Variants in NFATC2 observed in about 807,000 individuals in gnomAD.
The protein encoded by NFATC2 is nuclear factor of activated T-cells, cytoplasmic 2.
In NFATC2, 22 loss-of-function variants were observed where a neutral mutation model predicts 87.3. The ratio of observed to expected loss-of-function variants is 0.25; its 90% CI spans 0.18 to 0.36. NFATC2 has a LOEUF of 0.36. Ranked by LOEUF, NFATC2 falls within the 10% of genes least tolerant of loss-of-function variation. NFATC2 has a pLI of 1.00. For synonymous variants in NFATC2, 565 were observed against 542.2 expected (o/e 1.04, Z -0.58); for missense variants, 1,149 against 1,259.1 (o/e 0.91, Z 1.32).
At chr20:51,481,003 G>C (rs1989207532) in intron 3 of NFATC2, among the ~76,000 whole-genome samples, 1 of 152,118 alleles carries the variant, frequency 6.6e-6, no homozygotes, top group African/African-American at 2.4e-5. Flanking sequence ...TTGCCGGCTT[G>C]GAGTGTCAGA....
chr20:51,426,648 G>T (rs1981875410), intron 9 of NFATC2, among the ~76,000 whole-genome samples: 1 of 152,178 alleles, frequency 6.6e-6, no homozygotes, highest in Non-Finnish European at 1.5e-5. Flanking sequence ...CTTGCCTGAG[G>T]TCAGAGTCAG....
intron 1 of NFATC2, among the ~76,000 whole-genome samples, chr20:51,561,431 A>AAAAGAAAGGAAGAAAGAAAG (rs1555822816): frequency 5.4e-5 from 6 of 110,262 alleles, no homozygotes; most frequent in South Asian, 3.3e-4. Context: ...AGAGAGAAAG[A>AAAAGAAAGGAAGAAAGAAAG]AAAGAAAGAA....
At chr20:51,407,526 G>A (rs1230452138) in intron 9 of NFATC2, among the ~76,000 whole-genome samples, 2 of 152,224 alleles carry the variant, frequency 1.3e-5, no homozygotes, top group African/African-American at 2.4e-5. Flanking sequence ...ATCGGGTGCT[G>A]TAGTCCTCAG....
intron 3 of NFATC2, among the ~76,000 whole-genome samples, chr20:51,504,101 C>T (rs957731099): frequency 5.9e-5 from 9 of 152,196 alleles, no homozygotes; most frequent in African/African-American, 1.9e-4. Context: ...TGGCTCACTG[C>T]AACCTCCGCC....
At chr20:51,525,069 A>G (rs1045708365) in intron 1 of NFATC2, among the ~76,000 whole-genome samples, 1 of 151,826 alleles carries the variant, frequency 6.6e-6, no homozygotes, top group African/African-American at 2.4e-5. Flanking sequence ...AAAATACAAA[A>G]ATTAGCCAGG....
At chr20:51,558,911 T>C (rs1345680732) in intron 1 of NFATC2, among the ~76,000 whole-genome samples, 1 of 152,202 alleles carries the variant, frequency 6.6e-6, no homozygotes, top group Non-Finnish European at 1.5e-5. Context: ...GTAGCAATGT[T>C]ACCTGGGACC....
chr20:51,544,240 G>A (rs1295045231), upstream of NFATC2, among the ~76,000 whole-genome samples: 1 of 151,966 alleles, frequency 6.6e-6, no homozygotes, highest in Admixed American at 6.6e-5. Context: ...ACCCGCCTCG[G>A]CCTCCCCAAG....
At chr20:51,440,147 G>T (rs1489360530) in intron 6 of NFATC2, among the ~76,000 whole-genome samples, 3 of 148,070 alleles carry the variant, frequency 2.0e-5, no homozygotes, top group Admixed American at 6.9e-5. Flanking sequence ...TGAGGCAGGA[G>T]GATCTCTTGA....
upstream of NFATC2, among the ~76,000 whole-genome samples, chr20:51,545,351 A>T (rs1199007377): frequency 6.6e-6 from 1 of 152,148 alleles, no homozygotes; most frequent in Admixed American, 6.5e-5. Context: ...CTCTAAACAT[A>T]ATCTTGGTAG....
rs1334306794 is a variant in NFATC2, at chr20:51,432,557, T to A, written c.2232A>T (p.Gln744His). 3.9e-6 allele frequency: 6 copies of A among 1,541,116 alleles called. No homozygotes were observed. Residue 744 changes from glutamine (Q) to histidine (H), a missense_variant, in exon 9 of 11, where the codon CAA becomes CAT. By Grantham distance (24) the Gln-to-His change is conservative (BLOSUM62 0). Around this residue, in one of 3 missense-constraint regions of NFATC2, gnomAD observed 581 missense variants for 649.7 expected, o/e 0.89. Transcript: ENST00000371564. This position sits in a 1 kb window ranked among gnomAD's most constrained non-coding sequence, Gnocchi z 4.6. Reference sequence around the variant, plus strand: ...GGTAGAGTACGGCCGCTGGGTTCTGTTGCTGGTAGCGGGCGTCAGGGGATG... The same window carrying A: ...GGTAGAGTACGGCCGCTGGGTTCTGATGCTGGTAGCGGGCGTCAGGGGATG... ...GLSSPDARYQ[Q>H]QNPAAVLYQR... is the part of the protein sequence containing the mutation.
chr20:51,416,048 T>G (rs4811173), intron 9 of NFATC2, among the ~76,000 whole-genome samples: 139,959 of 152,074 alleles, frequency 0.92, 64,468 homozygotes, highest in East Asian at 0.96. Context: ...GATCACTTGA[T>G]GTCAGGAGTT....
chr20:51,446,457 G>A lies in NFATC2; in HGVS notation c.1849+8091C>T, dbSNP rs1985068249. On this transcript the variant is annotated intron_variant, in intron 6 of 10. Coordinates refer to ENST00000371564, the MANE Select transcript of NFATC2 (RefSeq NM_012340.5). ...GGTACATAGTGTGAGGCCAATCCAG[G>A]CTTCAGGCCGAGTCTGCTGGGTGAT... 2.0e-5 allele frequency among the ~76,000 whole-genome samples: 3 copies of A among 152,160 alleles called. No homozygotes were observed. The South Asian group carries it at 6.2e-4, about 32-fold the overall frequency.
At chr20:51,509,727 A>T (rs57579777) in intron 3 of NFATC2, among the ~76,000 whole-genome samples, 11,258 of 152,322 alleles carry the variant, frequency 0.074, 638 homozygotes, top group African/African-American at 0.16. Flanking sequence ...AAAAAATCCC[A>T]TCTGGCTTGC....
chr20:51,523,728 G>A lies in NFATC2; in HGVS notation c.513C>T (p.Ser171=), dbSNP rs1296491570. ...AAATGAAGCTGGCAGAGGAGCCGCTGCTAGCGGGGCTCAAGCAAAGCGGCT... is the reference window on the plus strand; with the variant it reads ...AAATGAAGCTGGCAGAGGAGCCGCTACTAGCGGGGCTCAAGCAAAGCGGCT... ...YREPLCLSPA[S]SGSSASFISD... is the part of the protein sequence containing the mutation. The change falls in exon 2 of 11, where the codon AGC becomes AGT. Residue 171 remains serine (S), a synonymous_variant. Coordinates refer to ENST00000371564, the MANE Select transcript of NFATC2 (RefSeq NM_012340.5). The surrounding 1 kb of genome is among the most constrained non-coding windows in gnomAD (Gnocchi z 6.9). 2 of 1,612,038 alleles carry A rather than the reference G, an allele frequency of 1.2e-6. No homozygotes were observed. The highest frequency in any genetic ancestry group is 1.1e-5 in the South Asian group (1 of 91,036).
Position 51,480,097 on chromosome 20 carries a change from G to A in NFATC2, c.1333-4437C>T, listed in dbSNP as rs937434056. Among the ~76,000 whole-genome samples, 3 of 152,088 alleles carry A rather than the reference G, an allele frequency of 2.0e-5. No homozygotes were observed. The highest frequency in any genetic ancestry group is 2.1e-4 in the South Asian group (1 of 4,822). The stretch of plus-strand genomic sequence containing the variant: ...GACGTCAGGAGTTCAAGACCAGCCC[G>A]GGCAACATGGTGAAACCCCGTCTCT... On this transcript the variant is annotated intron_variant, in intron 3 of 10. Transcript: ENST00000371564. The surrounding 1 kb of genome is among the most constrained non-coding windows in gnomAD (Gnocchi z 4.2).
At chr20:51,479,190 GA>G (rs1481558626) in intron 3 of NFATC2, among the ~76,000 whole-genome samples, 6 of 152,180 alleles carry the variant, frequency 3.9e-5, no homozygotes, top group Non-Finnish European at 8.8e-5. Flanking sequence ...ATTAACATCT[GA>G]AATTTCCTTG....
At chr20:51,499,814 T>C (rs2076050103) in intron 3 of NFATC2, among the ~76,000 whole-genome samples, 1 of 152,062 alleles carries the variant, frequency 6.6e-6, no homozygotes, top group African/African-American at 2.4e-5. Context: ...CTGTAAAAGC[T>C]TTACCTCAGG....
intron 9 of NFATC2, among the ~76,000 whole-genome samples, chr20:51,403,048 C>T (rs1321460534): frequency 6.6e-6 from 1 of 152,196 alleles, no homozygotes; most frequent in Non-Finnish European, 1.5e-5. Flanking sequence ...GGACACACCT[C>T]CCCCCAACAC....
chr20:51,404,078 T>C (rs1338893960), intron 9 of NFATC2, among the ~76,000 whole-genome samples: 2 of 152,266 alleles, frequency 1.3e-5, no homozygotes, highest in East Asian at 3.9e-4. Flanking sequence ...GCCACACCTT[T>C]GTGTCGCTTG....
Sources: gnomAD v4.1 joint callset for allele counts (sites outside exome capture counted in the v4.1 genomes callset) on GRCh38, gnomAD v4.1.1 for gene constraint, gnomAD v4.1.1 regional missense constraint, Gnocchi (gnomAD v3.1) non-coding constraint, MANE v1.5 for transcripts, NCBI Gene and HGNC (gene_info 2026-07-23, HGNC 2026-07-21) for gene names.